The following PSD3 variants were observed in gnomAD, a reference collection of about 807,000 sequenced individuals.
PSD3 encodes pleckstrin and Sec7 domain containing 3, also known as PH and SEC7 domain-containing protein 3.
PSD3 carries 49 observed loss-of-function variants against 105.5 expected under a neutral mutation model. The observed-to-expected ratio is 0.46, with a 90% confidence interval of 0.37 to 0.59. The LOEUF is 0.59. PSD3 is among the 20% of genes least tolerant of loss of function. The pLI is 0.00. For synonymous variants in PSD3, 557 were observed against 457.8 expected (o/e 1.22, Z -2.77); for missense variants, 1,561 against 1,263.8 (o/e 1.24, Z -3.57).
chr8:18,894,807 GC>G (rs1270268626), intron 2 of PSD3, among the ~76,000 whole-genome samples: 1 of 152,166 alleles, frequency 6.6e-6, no homozygotes, highest in African/African-American at 2.4e-5. Context: ...ACCAGGAGAA[GC>G]TCACACATGG....
At chr8:18,599,489 T>A (rs759700294) in intron 12 of PSD3, among the ~76,000 whole-genome samples, 38 of 152,316 alleles carry the variant, frequency 2.5e-4, no homozygotes, top group Non-Finnish European at 4.7e-4. Context: ...ACGACCTAAG[T>A]GTCCACTGAA....
rs989787811 is a variant in PSD3 at position 18,830,991 on chromosome 8, C to T, written c.1635-26093G>A. Among the ~76,000 whole-genome samples, 7 of 151,384 alleles carry T rather than the reference C, an allele frequency of 4.6e-5. No individual in the cohort carries two copies. The South Asian group carries it at 1.3e-3, about 27-fold the overall frequency. ...GGCAGAGAATAATGGACTGCCTATCCAGAAAGCGAGGCAGAGGCAAAACAA... is the reference window on the plus strand; with the variant it reads ...GGCAGAGAATAATGGACTGCCTATCTAGAAAGCGAGGCAGAGGCAAAACAA... On this transcript the variant is annotated intron_variant, in intron 4 of 15. Transcript: ENST00000327040.
intron 14 of PSD3, among the ~76,000 whole-genome samples, chr8:18,567,762 T>C (rs992508294): frequency 1.3e-5 from 2 of 152,156 alleles, no homozygotes; most frequent in African/African-American, 4.8e-5. Context: ...AGAAGGCCAA[T>C]GTGGTTTGTC....
chr8:18,880,152 T>G (rs960313400), intron 2 of PSD3, among the ~76,000 whole-genome samples: 1 of 152,212 alleles, frequency 6.6e-6, no homozygotes, highest in African/African-American at 2.4e-5. Flanking sequence ...AATTTCTGAT[T>G]TATTCCTTCT....
intron 1 of PSD3, among the ~76,000 whole-genome samples, chr8:18,978,927 G>A (rs190800318): frequency 1.3e-5 from 2 of 151,960 alleles, no homozygotes; most frequent in Admixed American, 6.6e-5. Context: ...AACCACAGAA[G>A]AGCTTCCAGG....
chr8:18,964,825 G>A (rs1217580232), intron 1 of PSD3, among the ~76,000 whole-genome samples: 2 of 152,138 alleles, frequency 1.3e-5, no homozygotes, highest in Non-Finnish European at 1.5e-5. Context: ...AAACAAGGTG[G>A]CATAGATTTG....
intron 1 of PSD3, among the ~76,000 whole-genome samples, chr8:18,976,397 G>T (rs971145205): frequency 6.6e-6 from 1 of 152,108 alleles, no homozygotes; most frequent in African/African-American, 2.4e-5. Context: ...GACTAGAAAG[G>T]TACAGTGACA....
intron 1 of PSD3, 152 bp from the exon 2 acceptor site, chr8:18,936,294 ACATGAAAAGAAT>A: frequency 1.7e-6 from 1 of 579,700 alleles, no homozygotes; most frequent in Non-Finnish European, 3.1e-6. Context: ...GAAAAGTGTA[ACATGAAAAGAAT>A]CAGAATACAA....
At chr8:18,638,370 T>A (rs1287308494) in intron 10 of PSD3, among the ~76,000 whole-genome samples, 1 of 150,916 alleles carries the variant, frequency 6.6e-6, no homozygotes, top group Admixed American at 6.6e-5. Flanking sequence ...GCTGACATAA[T>A]CTTATATATA....
rs79701323 is a variant in PSD3 at position 19,046,569 on chromosome 8, A to G, written c.324+37637T>C. ...AAAGGGCCATGCCTATTCTTACTCA[A>G]TCTTGGCACTGTATTCCTTACCATT... On this transcript the variant is annotated intron_variant, in intron 1 of 1. Transcript: ENST00000521475. 6.2e-3 allele frequency among the ~76,000 whole-genome samples: 950 copies of G among 152,254 alleles called. 14 individuals are homozygous for G. Among genetic ancestry groups the G allele is most frequent in the African/African-American group, 0.021 (881 of 41,562 alleles).
chr8:18,811,102 T>C (rs10105376), intron 4 of PSD3, among the ~76,000 whole-genome samples: 55,707 of 152,114 alleles, frequency 0.37, 11,921 homozygotes, highest in African/African-American at 0.6. Flanking sequence ...GCACCCACCA[T>C]GGTACCATAA....
At chr8:18,883,571 GTATAT>G (rs1202341547) in intron 2 of PSD3, among the ~76,000 whole-genome samples, 2 of 152,102 alleles carry the variant, frequency 1.3e-5, no homozygotes, top group African/African-American at 4.8e-5. Flanking sequence ...GTCAAAACCT[GTATAT>G]TATTATTTGT....
intron 2 of PSD3, among the ~76,000 whole-genome samples, chr8:18,895,575 T>G (rs2129460089): frequency 6.6e-6 from 1 of 152,372 alleles, no homozygotes; most frequent in East Asian, 1.9e-4. Context: ...TCTAAGCAAG[T>G]TTGCTAGATT....
chr8:18,564,045 T>C (rs999962113), intron 14 of PSD3, among the ~76,000 whole-genome samples: 1 of 152,076 alleles, frequency 6.6e-6, no homozygotes, highest in African/African-American at 2.4e-5. Flanking sequence ...GCTGAACTCG[T>C]TTATGAGTTT....
At position 18,879,068 on chromosome 8, in the gene PSD3, A is replaced by G. The variant is rs1043377897; in HGVS notation, c.131-6335T>C. Among the ~76,000 whole-genome samples, 9 of 150,658 alleles carry G rather than the reference A, an allele frequency of 6.0e-5. No individual in the cohort carries two copies. In the East Asian group the frequency reaches 7.9e-4, roughly 13 times the overall value. On this transcript the variant is annotated intron_variant, in intron 2 of 15. Coordinates refer to ENST00000327040, the MANE Select transcript of PSD3 (RefSeq NM_015310.4). The stretch of plus-strand genomic sequence containing the variant: ...CACACACAAACACACACACACACAC[A>G]CACACACACACACACACACGCACAC...
In PSD3 at chr8:18,531,446, T is replaced by C. The variant is rs1202696391; in HGVS notation, c.*4297A>G. The C allele has an allele frequency of 7.1e-6, 1 of 140,724 alleles. No homozygotes were observed. Among genetic ancestry groups the C allele is most frequent in the Non-Finnish European group, 1.6e-5 (1 of 63,432 alleles). 8.7% of individuals were successfully genotyped at this position (140,724 alleles called of 1,614,324 possible). A position where few individuals can be genotyped will look rare whatever the true frequency, so the allele number is the denominator to read the frequency against. On this transcript the variant is annotated 3_prime_UTR_variant, in exon 16 of 16. Coordinates refer to ENST00000327040, the MANE Select transcript of PSD3 (RefSeq NM_015310.4). ...ATGGATGAGAGATGGAAAAGGAATC[T>C]GAGAGAAAAATCAGTGACAAAGCCC...
chr8:19,037,750 T>C (rs1365083672), intron 1 of PSD3, among the ~76,000 whole-genome samples: 1 of 152,104 alleles, frequency 6.6e-6, no homozygotes, highest in African/African-American at 2.4e-5. Flanking sequence ...AGAACTTGCA[T>C]CATGGGTTCC....
chr8:18,608,534 T>C (rs1805029624), intron 11 of PSD3, among the ~76,000 whole-genome samples: 3 of 152,218 alleles, frequency 2.0e-5, no homozygotes, highest in Non-Finnish European at 2.9e-5. Context: ...ATCTTAAATA[T>C]TACAAACCAG....
intron 1 of PSD3, among the ~76,000 whole-genome samples, chr8:18,975,683 C>T (rs773898255): frequency 6.6e-6 from 1 of 152,188 alleles, no homozygotes; most frequent in Admixed American, 6.5e-5. Context: ...GTTCATTCCA[C>T]TGTTAGATAA....
Sources: gnomAD v4.1 joint callset for allele counts (sites outside exome capture counted in the v4.1 genomes callset) on GRCh38, gnomAD v4.1.1 for gene constraint, MANE v1.5 for transcripts, NCBI Gene and HGNC (gene_info 2026-07-23, HGNC 2026-07-21) for gene names.